The following SLC13A1 variants were observed in gnomAD, a reference collection of about 807,000 sequenced individuals.
SLC13A1 encodes the protein solute carrier family 13 member 1, also known as Na(+)/sulfate cotransporter.
Under a neutral mutation model 70.0 loss-of-function variants are expected in SLC13A1, and 65 were observed. The observed-to-expected ratio is 0.93, with a 90% CI of 0.76 to 1.14. The LOEUF (loss-of-function observed/expected upper bound fraction) is 1.14, where lower values mean the gene tolerates loss of function less well. Among genes scored for constraint, SLC13A1 ranks in the 50% most tolerant of loss-of-function variants. SLC13A1 has a pLI of 0.00. For synonymous variants in SLC13A1, 275 were observed against 250.5 expected, an observed-to-expected ratio of 1.10 and a Z score of -0.92; for missense variants, 726 against 717.8, an observed-to-expected ratio of 1.01 and a Z score of -0.13.
In SLC13A1 at chr7:123,115,216, T is replaced by C. The variant is rs577959312; in HGVS notation, c.*302A>G. On this transcript the variant is annotated 3_prime_UTR_variant, in exon 15 of 15. Coordinates refer to ENST00000194130, the MANE Select transcript of SLC13A1 (RefSeq NM_022444.4). ...CAACTGTAAGATGAAACAAATGCTCTAATCTCTTTGAAGGTCAAGTTATAA... is the reference window on the plus strand; with the variant it reads ...CAACTGTAAGATGAAACAAATGCTCCAATCTCTTTGAAGGTCAAGTTATAA... The C allele has an allele frequency of 1.0e-5, 2 of 193,080 alleles. No homozygotes were observed. Among genetic ancestry groups the C allele is most frequent in the East Asian group, 2.4e-4 (2 of 8,228 alleles). 12.0% of individuals were successfully genotyped at this position (193,080 alleles called of 1,614,324 possible).
At chr7:123,154,073 T>G (rs1296469225) in intron 6 of SLC13A1, among the ~76,000 whole-genome samples, 1 of 152,072 alleles carries the variant, frequency 6.6e-6, no homozygotes, top group Admixed American at 6.6e-5. Context: ...ACCTAATATT[T>G]CAGAAGTGCA....
rs531952540 is a variant in SLC13A1, at chr7:123,191,516, A to G, written c.99+8332T>C. On this transcript the variant is annotated intron_variant, in intron 1 of 14. Transcript: ENST00000194130. ...CAATGGAGAAAGAGCTTGGGAAGGG[A>G]GGATCCTAATTGTCTAAAACCTCAT... Among the ~76,000 whole-genome samples, 71 of 152,256 alleles carry G rather than the reference A, an allele frequency of 4.7e-4. 1 individual carries two copies. The highest frequency in any genetic ancestry group is 1.6e-3 in the African/African-American group (67 of 41,556).
At chr7:123,136,177 T>G (rs781188078) in intron 7 of SLC13A1, among the ~76,000 whole-genome samples, 8 of 152,238 alleles carry the variant, frequency 5.3e-5, no homozygotes, top group African/African-American at 9.6e-5. Flanking sequence ...GAAATCAGTA[T>G]GCAGAGCTCT....
chr7:123,144,037 A>T (rs1452413794), intron 7 of SLC13A1, among the ~76,000 whole-genome samples: 3 of 152,162 alleles, frequency 2.0e-5, no homozygotes, highest in African/African-American at 7.2e-5. Flanking sequence ...TTGGAATAAA[A>T]CCTAGGAAAT....
intron 6 of SLC13A1, among the ~76,000 whole-genome samples, chr7:123,151,844 A>G (rs527429235): frequency 6.6e-6 from 1 of 152,012 alleles, no homozygotes; most frequent in African/African-American, 2.4e-5. Context: ...AATTGTATCT[A>G]CTGAAATATG....
chr7:123,136,598 CTGTT>C (rs942865440), intron 7 of SLC13A1, among the ~76,000 whole-genome samples: 2 of 152,130 alleles, frequency 1.3e-5, no homozygotes, highest in African/African-American at 4.8e-5. Context: ...TTACCTAACA[CTGTT>C]TGGTATCTAC....
intron 7 of SLC13A1, among the ~76,000 whole-genome samples, chr7:123,144,384 G>C (rs1290307100): frequency 6.6e-6 from 1 of 152,168 alleles, no homozygotes; most frequent in Admixed American, 6.5e-5. Flanking sequence ...AGGTTAGGTA[G>C]AAATGAGCAG....
intron 7 of SLC13A1, among the ~76,000 whole-genome samples, chr7:123,141,702 C>A (rs1563327626): frequency 6.6e-6 from 1 of 152,064 alleles, no homozygotes; most frequent in Admixed American, 6.6e-5. Flanking sequence ...TCTTCTTATA[C>A]TTTTTGTCAT....
intron 1 of SLC13A1, among the ~76,000 whole-genome samples, chr7:123,188,216 T>C (rs1393808612): frequency 1.3e-5 from 2 of 152,202 alleles, no homozygotes; most frequent in African/African-American, 4.8e-5. Flanking sequence ...GCACTTCTCC[T>C]TCCTGCTGCC....
chr7:123,115,821 G>A (rs906414782), intron 14 of SLC13A1, among the ~76,000 whole-genome samples, 166 bp from the exon 15 acceptor site: 9 of 152,090 alleles, frequency 5.9e-5, no homozygotes, highest in Non-Finnish European at 1.2e-4. Flanking sequence ...TGTGCACAAC[G>A]TGCAGGTTTG....
chr7:123,141,229 T>C (rs538387797), intron 7 of SLC13A1, among the ~76,000 whole-genome samples: 1 of 152,266 alleles, frequency 6.6e-6, no homozygotes, highest in East Asian at 1.9e-4. Flanking sequence ...CCAAAATTCC[T>C]CTTGTATTTG....
At chr7:123,127,237 T>C (rs1335174497) in intron 10 of SLC13A1, among the ~76,000 whole-genome samples, 1 of 152,116 alleles carries the variant, frequency 6.6e-6, no homozygotes, top group East Asian at 1.9e-4. Flanking sequence ...TTCTTATTGT[T>C]TTCTCTCAGA....
At chr7:123,134,901 T>C (rs1793902927) in intron 7 of SLC13A1, among the ~76,000 whole-genome samples, 1 of 152,166 alleles carries the variant, frequency 6.6e-6, no homozygotes, top group African/African-American at 2.4e-5. Flanking sequence ...CATCAGTATA[T>C]GAACAAGGAA....
chr7:123,191,764 A>T (rs751710746), intron 1 of SLC13A1, among the ~76,000 whole-genome samples: 6 of 152,126 alleles, frequency 3.9e-5, no homozygotes, highest in Non-Finnish European at 8.8e-5. Flanking sequence ...TTCCATGCTG[A>T]ACTAAGGTTC....
chr7:123,161,594 A>G (rs923521493), intron 6 of SLC13A1, among the ~76,000 whole-genome samples: 1 of 152,182 alleles, frequency 6.6e-6, no homozygotes, highest in African/African-American at 2.4e-5. Flanking sequence ...AGCCATCTTG[A>G]ACTGCAAGTT....
At chr7:123,122,986 T>C (rs1416542876) in intron 12 of SLC13A1, 140 bp downstream of exon 12, 1 of 642,210 alleles carries the variant, frequency 1.6e-6, no homozygotes, top group Admixed American at 2.2e-5. Flanking sequence ...ATTTGTGTGG[T>C]ATATTCACTG....
intron 2 of SLC13A1, among the ~76,000 whole-genome samples, chr7:123,173,145 G>T (rs1795329379): frequency 6.6e-6 from 1 of 151,848 alleles, no homozygotes; most frequent in South Asian, 2.1e-4. Flanking sequence ...GGGAATGTTG[G>T]AATAAAACCA....
chr7:123,171,591 T>A (rs1261964027), intron 3 of SLC13A1, among the ~76,000 whole-genome samples, 177 bp downstream of exon 3: 2 of 152,180 alleles, frequency 1.3e-5, no homozygotes, highest in Non-Finnish European at 2.9e-5. Context: ...TGTTTTTTTT[T>A]CCTCCTACAA....
At chr7:123,117,269 G>A (rs887303576) in intron 14 of SLC13A1, among the ~76,000 whole-genome samples, 1 of 152,032 alleles carries the variant, frequency 6.6e-6, no homozygotes. Flanking sequence ...GTTTGTGACC[G>A]TAAGTTTTAA....
Sources: allele counts gnomAD v4.1 joint callset (sites outside exome capture counted in the v4.1 genomes callset), GRCh38; gene constraint gnomAD v4.1.1; transcripts MANE v1.5; gene names NCBI Gene and HGNC (gene_info 2026-07-23, HGNC 2026-07-21).